Variants in PRR35 observed in about 807,000 individuals in gnomAD.
The protein encoded by PRR35 is proline-rich protein 35.
Under a neutral mutation model 18.6 loss-of-function variants are expected in PRR35, and 14 were observed. The ratio of observed to expected loss-of-function variants is 0.75; its 90% CI spans 0.50 to 1.18. The LOEUF is 1.18. Among genes scored for constraint, PRR35 ranks in the 50% most tolerant of loss-of-function variants. PRR35 has a pLI of 0.00. For synonymous variants in PRR35, 425 were observed against 378.2 expected, an observed-to-expected ratio of 1.12 and a Z score of -1.43; for missense variants, 832 against 792.2, an observed-to-expected ratio of 1.05 and a Z score of -0.60.
chr16:560,799 TC>T, intron 1 of PRR35, 138 bp downstream of exon 1: 3 of 773,878 alleles, frequency 3.9e-6, no homozygotes, highest in Non-Finnish European at 4.7e-6. Flanking sequence ...CTTCTCGAAG[TC>T]CAGGAGCAGC....
Position 561,851 on chromosome 16 carries a change from C to A in PRR35, c.-40+1190C>A, listed in dbSNP as rs373176415. The A allele has an allele frequency of 6.5e-6, 6 of 917,912 alleles. No individual in the cohort carries two copies. In the East Asian group the frequency reaches 7.1e-4, roughly 108 times the overall value. 56.9% of individuals were successfully genotyped at this position (917,912 alleles called of 1,614,324 possible). A position where few individuals can be genotyped will look rare whatever the true frequency, so the allele number is the denominator to read the frequency against. ...AGGGCCTGTGTGAGCATGTGAGTGC[C>A]GTGTTGGAGTGGTTTGGAAAGCCCC... On this transcript the variant is annotated intron_variant, in intron 1 of 2. Coordinates refer to ENST00000409413, the MANE Select transcript of PRR35 (RefSeq NM_145270.3).
chr16:560,941 G>T (rs555538462), intron 1 of PRR35, among the ~76,000 whole-genome samples: 5 of 150,878 alleles, frequency 3.3e-5, no homozygotes, highest in African/African-American at 7.4e-5. Context: ...TCCCGGGGGG[G>T]GGGGCAGCAG....
chr16:560,794 C>G (rs1302680991), intron 1 of PRR35, 133 bp downstream of exon 1: 1 of 826,136 alleles, frequency 1.2e-6, no homozygotes, highest in Non-Finnish European at 1.5e-6. Flanking sequence ...ACCCTCTTCT[C>G]GAAGTCCAGG....
At position 560,472 on chromosome 16, in the gene PRR35, C is replaced by G; in HGVS notation, c.-229C>G. The G allele has an allele frequency of 1.0e-6, 1 of 982,810 alleles. No homozygotes were observed. The highest frequency in any genetic ancestry group is 1.2e-6 in the Non-Finnish European group (1 of 828,936). 60.9% of individuals were successfully genotyped at this position (982,810 alleles called of 1,614,324 possible). Reference sequence around the variant, plus strand: ...CGGGAGTCGCTGCCGCTCGAGGGACCGCGGACCCGGGAGGTCCGGCTCCCG... The same window carrying G: ...CGGGAGTCGCTGCCGCTCGAGGGACGGCGGACCCGGGAGGTCCGGCTCCCG... On this transcript the variant is annotated 5_prime_UTR_variant, in exon 1 of 3. Coordinates refer to ENST00000409413, the MANE Select transcript of PRR35 (RefSeq NM_145270.3).
chr16:560,720 CGGGGCGCG>C, intron 1 of PRR35, 59 bp downstream of exon 1: 1 of 951,604 alleles, frequency 1.1e-6, no homozygotes, highest in Non-Finnish European at 1.2e-6. Flanking sequence ...CGGCTGGACG[CGGGGCGCG>C]GGGGCAGCGG....
Position 564,683 on chromosome 16 carries a change from C to A in PRR35, c.1092C>A (p.Thr364=), listed in dbSNP as rs1490605690. 3.9e-6 allele frequency: 6 copies of A among 1,526,886 alleles called. No individual in the cohort carries two copies. The highest frequency in any genetic ancestry group is 5.3e-6 in the Non-Finnish European group (6 of 1,142,378). 94.6% of individuals were successfully genotyped at this position (1,526,886 alleles called of 1,614,324 possible). A position where few individuals can be genotyped will look rare whatever the true frequency, so the allele number is the denominator to read the frequency against. The change falls in exon 3 of 3, where the codon ACC becomes ACA. Residue 364 remains threonine (T), a synonymous_variant. Coordinates refer to ENST00000409413, the MANE Select transcript of PRR35 (RefSeq NM_145270.3). The part of the protein sequence containing the change: ...TRFCSRSSLP[T]GSSVMLWPED... The stretch of plus-strand genomic sequence containing the variant: ...AGCTTCCACCCCACAGCCTGCCCAC[C>A]GGCTCCTCTGTGATGCTGTGGCCTG...
Position 563,642 on chromosome 16 carries a change from C to T in PRR35, c.348C>T (p.Leu116=), listed in dbSNP as rs200095541. Residue 116 remains leucine, a synonymous_variant, in exon 2 of 3, where the codon CTC becomes CTT. Coordinates refer to ENST00000409413, the MANE Select transcript of PRR35 (RefSeq NM_145270.3). ...CAGGTGCTGCCCCCGCGCCTGACCT[C>T]GTGGTCGCCGACATCCACTCCCTGC... ...RPTGAAPAPD[L]VVADIHSLHC... 2.9e-4 allele frequency: 454 copies of T among 1,577,548 alleles called. 3 individuals carry two copies. In the African/African-American group the frequency reaches 4.3e-3, roughly 15 times the overall value.
intron 1 of PRR35, among the ~76,000 whole-genome samples, chr16:563,035 C>CTT (rs61007293): frequency 1.1e-4 from 15 of 131,028 alleles, no homozygotes; most frequent in African/African-American, 1.7e-4. Flanking sequence ...CTGTCCTGGA[C>CTT]TTTTTTTTTT....
Position 564,806 on chromosome 16 carries a change from C to T in PRR35, c.1215C>T (p.Gly405=), listed in dbSNP as rs755056364. Residue 405 remains glycine (G), a synonymous_variant, in exon 3 of 3, where the codon GGC becomes GGT. Coordinates refer to ENST00000409413, the MANE Select transcript of PRR35 (RefSeq NM_145270.3). ...GPVPGSPEHV[G]EDLTRALGDY... ...TGCCAGGAAGCCCGGAGCATGTGGG[C>T]GAGGACCTGACCCGAGCCCTCGGTG... The T allele has an allele frequency of 1.0e-5, 16 of 1,557,270 alleles. No individual in the cohort carries two copies. The highest frequency in any genetic ancestry group is 1.8e-4 in the Middle Eastern group (1 of 5,512).
At position 563,639 on chromosome 16, in the gene PRR35, C is replaced by G; in HGVS notation, c.345C>G (p.Asp115Glu). 6.3e-7 allele frequency: 1 copy of G among 1,579,412 alleles called. No homozygotes were observed. The highest frequency in any genetic ancestry group is 1.1e-5 in the South Asian group (1 of 87,940). The change falls in exon 2 of 3, where the codon GAC (aspartate) becomes GAG (glutamate). Residue 115 changes from aspartate (D) to glutamate (E), a missense_variant. Transcript: ENST00000409413. The part of the protein sequence containing the change: ...ARPTGAAPAP[D>E]LVVADIHSLH... ...CCACAGGTGCTGCCCCCGCGCCTGA[C>G]CTCGTGGTCGCCGACATCCACTCCC...
rs771278816 is a variant in PRR35, at chr16:565,350, C to T, written c.*43C>T. ...CTGACTGTCTCTGCCTGCAGCATGC[C>T]GGCCCCTCTCCTGCAGCCCCTGCCC... On this transcript the variant is annotated 3_prime_UTR_variant, in exon 3 of 3. Coordinates refer to ENST00000409413, the MANE Select transcript of PRR35 (RefSeq NM_145270.3). The T allele has an allele frequency of 1.2e-4, 172 of 1,421,672 alleles. 1 individual carries two copies. The highest frequency in any genetic ancestry group is 9.7e-4 in the East Asian group (37 of 37,956). The allele number at this position is 1,421,672 out of a possible 1,614,324, so 88.1% of individuals were successfully genotyped here.
At position 563,776 on chromosome 16, in the gene PRR35, C is replaced by T. The variant is rs368085414; in HGVS notation, c.482C>T (p.Ser161Leu). 280 of 1,498,812 alleles carry T rather than the reference C, an allele frequency of 1.9e-4. No homozygotes were observed. Among genetic ancestry groups the T allele is most frequent in the Middle Eastern group, 9.0e-4 (5 of 5,530 alleles). The allele number at this position is 1,498,812 out of a possible 1,614,324, so 92.8% of individuals were successfully genotyped here. A position where few individuals can be genotyped will look rare whatever the true frequency, so the allele number is the denominator to read the frequency against. The change falls in exon 2 of 3, where the codon TCG becomes TTG. Residue 161 changes from serine to leucine, a missense_variant. By Grantham distance (145) the Ser-to-Leu change is moderately radical (BLOSUM62 -2). This residue lies in a region of PRR35 where 768 missense variants were observed against 704.1 expected (regional missense o/e 1.09). Transcript: ENST00000409413. Reference sequence around the variant, plus strand: ...GGCCCCAGTGGGCTCCTGCCTGAGTCGTGGAAGCCGGGGATGGGAGGGGAC... The same window carrying T: ...GGCCCCAGTGGGCTCCTGCCTGAGTTGTGGAAGCCGGGGATGGGAGGGGAC... ...GPGPSGLLPE[S>L]WKPGMGGDPR...
chr16:561,005 T>C (rs2035424942), intron 1 of PRR35, among the ~76,000 whole-genome samples: 1 of 147,030 alleles, frequency 6.8e-6, no homozygotes, highest in Non-Finnish European at 1.5e-5. Flanking sequence ...CCTCCTGCCC[T>C]GTGGGGGTGC....
chr16:562,101 C>A (rs1247358219), intron 1 of PRR35, among the ~76,000 whole-genome samples: 3 of 152,246 alleles, frequency 2.0e-5, no homozygotes, highest in Middle Eastern at 3.2e-3. Context: ...GTGCTGTGCA[C>A]CCCACACAGG....
In PRR35 at chr16:564,752, C is replaced by A. The variant is rs546441440; in HGVS notation, c.1161C>A (p.Gly387=). 1.3e-6 allele frequency: 2 copies of A among 1,536,878 alleles called. No individual in the cohort carries two copies. The highest frequency in any genetic ancestry group is 8.7e-7 in the Non-Finnish European group (1 of 1,147,532). The change falls in exon 3 of 3, where the codon GGC becomes GGA. Residue 387 remains glycine (G), a synonymous_variant. Transcript: ENST00000409413. ...GCCCTGAGACCCCCGGCCCTGAGGG[C>A]CCCCTCCCCCTGCAGCCACGGGGCC... ...PGGPETPGPE[G]PLPLQPRGPV... is the part of the protein sequence containing the mutation.
At position 565,235 on chromosome 16, in the gene PRR35, T is replaced by G; in HGVS notation, c.1644T>G (p.Cys548Trp). ...PVIPGSGWGT[C>W]VATRSSQTPE... ...TTCCTGGCAGTGGCTGGGGCACCTGTGTTGCGACGAGGAGTTCCCAGACCC... is the reference window on the plus strand; with the variant it reads ...TTCCTGGCAGTGGCTGGGGCACCTGGGTTGCGACGAGGAGTTCCCAGACCC... Residue 548 changes from cysteine (C) to tryptophan (W), a missense_variant, in exon 3 of 3, where the codon TGT becomes TGG. Coordinates refer to ENST00000409413, the MANE Select transcript of PRR35 (RefSeq NM_145270.3). 6.2e-7 allele frequency: 1 copy of G among 1,605,366 alleles called. No homozygotes were observed. The highest frequency in any genetic ancestry group is 8.5e-7 in the Non-Finnish European group (1 of 1,176,616).
intron 1 of PRR35, among the ~76,000 whole-genome samples, chr16:561,235 A>G (rs2035428926): frequency 6.6e-6 from 1 of 152,186 alleles, no homozygotes; most frequent in Admixed American, 6.5e-5. Flanking sequence ...GGTGGGTGCC[A>G]GCTATCCTCC....
In PRR35 at chr16:563,258, G is replaced by A. The variant is rs371608414; in HGVS notation, c.-37G>A. On this transcript the variant is annotated splice_region_variant and 5_prime_UTR_variant, in exon 2 of 3. Transcript: ENST00000409413. ...ACTGACTGTGGCCCCATCTACAGGT[G>A]GCCATGGTGCCCGGCCCTGCCTCAT... is the stretch of plus-strand genomic sequence containing the variant. The A allele has an allele frequency of 1.3e-6, 2 of 1,555,716 alleles. No homozygotes were observed. Among genetic ancestry groups the A allele is most frequent in the Non-Finnish European group, 1.7e-6 (2 of 1,155,652 alleles).
chr16:565,285 G>T lies in PRR35; in HGVS notation c.1694G>T (p.Ser565Ile). 6.5e-7 allele frequency: 1 copy of T among 1,528,922 alleles called. No individual in the cohort carries two copies. Among genetic ancestry groups the T allele is most frequent in the East Asian group, 2.3e-5 (1 of 42,698 alleles). 94.7% of individuals were successfully genotyped at this position (1,528,922 alleles called of 1,614,324 possible). ...CCTGAGGCTGTCTGTGGCCTGCAGA[G>T]CCCCCAGGGCGCCGAGGTCTGACCT... ...QTPEAVCGLQSPQGAEV is the reference protein window; with the variant it reads ...QTPEAVCGLQIPQGAEV Residue 565 changes from serine to isoleucine, a missense_variant, in exon 3 of 3, where the codon AGC becomes ATC. Around this residue, in one of 3 missense-constraint regions of PRR35, gnomAD observed 768 missense variants for 704.1 expected, o/e 1.09. Coordinates refer to ENST00000409413, the MANE Select transcript of PRR35 (RefSeq NM_145270.3).
Sources: gnomAD v4.1 joint callset for allele counts (sites outside exome capture counted in the v4.1 genomes callset) on GRCh38, gnomAD v4.1.1 for gene constraint, gnomAD v4.1.1 regional missense constraint, MANE v1.5 for transcripts, NCBI Gene and HGNC (gene_info 2026-07-23, HGNC 2026-07-21) for gene names.